ATP2B4: variants seen among roughly 807,000 people sequenced by gnomAD.
ATP2B4 encodes the protein plasma membrane calcium-transporting ATPase 4.
Under a neutral mutation model 110.3 loss-of-function variants are expected in ATP2B4, and 39 were observed. The ratio of observed to expected loss-of-function variants is 0.35; its 90% CI spans 0.27 to 0.46. The LOEUF (loss-of-function observed/expected upper bound fraction) is 0.46, where lower values mean the gene tolerates loss of function less well. Ranked by LOEUF, ATP2B4 falls within the 20% of genes least tolerant of loss-of-function variation. The probability of loss-of-function intolerance (pLI) is 1.00; values close to 1 mark genes in which losing one functional copy is unlikely to be tolerated. For synonymous variants in ATP2B4, 538 were observed against 571.7 expected, an observed-to-expected ratio of 0.94 and a Z score of 0.84; for missense variants, 1,135 against 1,530.9, an observed-to-expected ratio of 0.74 and a Z score of 4.32.
chr1:203,709,464 C>A lies in ATP2B4; in HGVS notation c.1721C>A (p.Ser574Ter). ...KVYTFNSVRKSMSTVIRNPNG... is the reference protein window; with the variant it reads ...KVYTFNSVRK ...TACACCTTTAACTCAGTGCGCAAGTCAATGAGCACCGTCATCAGGAATCCC... is the reference window on the plus strand; with the variant it reads ...TACACCTTTAACTCAGTGCGCAAGTAAATGAGCACCGTCATCAGGAATCCC... The change falls in exon 11 of 21, where the codon TCA becomes TAA. Residue 574 changes from serine to a stop codon, truncating the protein, a stop_gained. Transcript: ENST00000357681. LOFTEE classifies it high-confidence loss of function. The A allele has an allele frequency of 6.2e-7, 1 of 1,614,196 alleles. No homozygotes were observed. The highest frequency in any genetic ancestry group is 8.5e-7 in the Non-Finnish European group (1 of 1,180,042).
intron 20 of ATP2B4, among the ~76,000 whole-genome samples, chr1:203,728,524 A>G (rs57337733): frequency 0.015 from 2,357 of 152,306 alleles, 67 homozygotes; most frequent in African/African-American, 0.055. Flanking sequence ...CTTCAAAATA[A>G]GTTTCACTGT....
At chr1:203,714,331 C>G (rs1336832844) in intron 15 of ATP2B4, 54 bp downstream of exon 15, 4 of 1,596,546 alleles carry the variant, frequency 2.5e-6, no homozygotes, top group Non-Finnish European at 3.4e-6. Flanking sequence ...CATCAGGAAG[C>G]CAGGTCCGGC....
At chr1:203,672,125 G>A (rs72743697) in intron 1 of ATP2B4, among the ~76,000 whole-genome samples, 35,616 of 152,058 alleles carry the variant, frequency 0.23, 4,524 homozygotes, top group Middle Eastern at 0.38. Flanking sequence ...GGGGTTTGGC[G>A]TTTCTCCTTG....
Position 203,686,685 on chromosome 1 carries a change from C to CTTTTTTTTTTTTTTTTTTTT in ATP2B4, c.193+3294_193+3313dup, listed in dbSNP as rs779048789. 2.0e-3 allele frequency among the ~76,000 whole-genome samples: 84 copies of CTTTTTTTTTTTTTTTTTTTT among 42,778 alleles called. 7 individuals are homozygous for CTTTTTTTTTTTTTTTTTTTT. The highest frequency in any genetic ancestry group is 0.011 in the East Asian group (5 of 462). The allele number at this position is 42,778 out of a possible 152,430, so 28.1% of individuals were successfully genotyped here. Reference sequence around the variant, plus strand: ...CCTGGTGTTTTTCTTTCTTTTCTTTCTTTTTTTTTTTTTTTTTTTTTTTTT... The same window carrying CTTTTTTTTTTTTTTTTTTTT: ...CCTGGTGTTTTTCTTTCTTTTCTTTCTTTTTTTTTTTTTTTTTTTTTTTTTTTTTTTTTTTTTTTTTTTTT... On this transcript the variant is annotated intron_variant, in intron 2 of 20. Transcript: ENST00000357681.
At position 203,627,172 on chromosome 1, in the gene ATP2B4, G is replaced by A. The variant is rs1046639319; in HGVS notation, c.-512G>A. ...CCCTACCCTCATCCATGGAAACCCG[G>A]AGGGAGAGTCCCGCCTGAAGAAACC... is the stretch of plus-strand genomic sequence containing the variant. On this transcript the variant is annotated 5_prime_UTR_variant, in exon 1 of 21. Coordinates refer to ENST00000357681, the MANE Select transcript of ATP2B4 (RefSeq NM_001684.5). 1 of 152,272 alleles carries A rather than the reference G, an allele frequency of 6.6e-6. No individual in the cohort carries two copies. The highest frequency in any genetic ancestry group is 1.5e-5 in the Non-Finnish European group (1 of 68,060). 9.4% of individuals were successfully genotyped at this position (152,272 alleles called of 1,614,324 possible). A position where few individuals can be genotyped will look rare whatever the true frequency, so the allele number is the denominator to read the frequency against.
chr1:203,662,152 T>C (rs1484637368), intron 1 of ATP2B4, among the ~76,000 whole-genome samples: 1 of 151,930 alleles, frequency 6.6e-6, no homozygotes, highest in African/African-American at 2.4e-5. Context: ...GCCTCCCGAG[T>C]AGCTGGGACT....
At chr1:203,719,691 G>A (rs1558050280) in intron 15 of ATP2B4, among the ~76,000 whole-genome samples, 1 of 149,210 alleles carries the variant, frequency 6.7e-6, no homozygotes, top group Non-Finnish European at 1.5e-5. Context: ...GTCCAGCCTG[G>A]GCAACAGAGG....
chr1:203,716,491 C>T (rs974042698), intron 15 of ATP2B4, among the ~76,000 whole-genome samples: 3 of 145,150 alleles, frequency 2.1e-5, no homozygotes, highest in Non-Finnish European at 4.6e-5. Flanking sequence ...CCACATTGTT[C>T]GGACACAGTC....
intron 1 of ATP2B4, among the ~76,000 whole-genome samples, chr1:203,649,949 C>G (rs1663926758): frequency 6.6e-6 from 1 of 152,202 alleles, no homozygotes. Context: ...CAGGTTACCT[C>G]CCCTTCTTCC....
chr1:203,654,775 T>G (rs1309746572), intron 1 of ATP2B4, among the ~76,000 whole-genome samples: 1 of 151,634 alleles, frequency 6.6e-6, no homozygotes, highest in Non-Finnish European at 1.5e-5. Flanking sequence ...TGCTCTCAGC[T>G]ACTCAGGAGG....
intron 20 of ATP2B4, among the ~76,000 whole-genome samples, chr1:203,736,653 G>T (rs1049082183): frequency 1.3e-5 from 2 of 152,128 alleles, no homozygotes; most frequent in African/African-American, 4.8e-5. Context: ...TTTCCCCAAG[G>T]TTTTGAGAAA....
At chr1:203,739,314 A>G (rs1043907269) in intron 20 of ATP2B4, among the ~76,000 whole-genome samples, 4 of 152,026 alleles carry the variant, frequency 2.6e-5, no homozygotes, top group African/African-American at 9.7e-5. Context: ...GCAGCTTTCA[A>G]AACGTCCTAG....
At chr1:203,676,051 C>G (rs1220504681) in intron 1 of ATP2B4, among the ~76,000 whole-genome samples, 2 of 152,168 alleles carry the variant, frequency 1.3e-5, no homozygotes, top group Non-Finnish European at 2.9e-5. Context: ...CCATGGTATA[C>G]TATCCCATGG....
intron 20 of ATP2B4, among the ~76,000 whole-genome samples, chr1:203,737,106 A>T (rs1666896049): frequency 6.6e-6 from 1 of 152,266 alleles, no homozygotes; most frequent in Admixed American, 6.5e-5. Context: ...ATTCACTTTT[A>T]TCTTCCTCAT....
chr1:203,724,465 C>T (rs1049963973), intron 19 of ATP2B4, among the ~76,000 whole-genome samples: 32 of 151,254 alleles, frequency 2.1e-4, no homozygotes, highest in Admixed American at 2.0e-4. Context: ...TGCAGTGAGC[C>T]GAGATTGCGC....
At chr1:203,643,885 G>T (rs1349681040) in intron 1 of ATP2B4, among the ~76,000 whole-genome samples, 3 of 152,200 alleles carry the variant, frequency 2.0e-5, no homozygotes, top group Non-Finnish European at 2.9e-5. Context: ...AAAGGAGAGT[G>T]ATGCTTTAGT....
intron 1 of ATP2B4, among the ~76,000 whole-genome samples, chr1:203,679,984 C>A (rs1294830552): frequency 6.6e-6 from 1 of 150,786 alleles, no homozygotes; most frequent in Non-Finnish European, 1.5e-5. Context: ...TCACTTGAAC[C>A]TGGGAGGCGG....
At chr1:203,728,341 G>T in intron 20 of ATP2B4, 1 of 357,018 alleles carries the variant, frequency 2.8e-6, no homozygotes. Context: ...ACTTTCTCCT[G>T]GGTGAATGCG....
chr1:203,726,487 G>A (rs146579420), intron 19 of ATP2B4, among the ~76,000 whole-genome samples: 1 of 149,526 alleles, frequency 6.7e-6, no homozygotes, highest in East Asian at 2.0e-4. Flanking sequence ...AAGCTTGGTT[G>A]TTAAACCTGT....
Sources: allele counts gnomAD v4.1 joint callset (sites outside exome capture counted in the v4.1 genomes callset), GRCh38; gene constraint gnomAD v4.1.1; transcripts MANE v1.5; gene names NCBI Gene and HGNC (gene_info 2026-07-23, HGNC 2026-07-21).